Variants in FGF13 observed in about 807,000 individuals in gnomAD.
The protein encoded by FGF13 is fibroblast growth factor homologous factor 2.
A neutral mutation model predicts 19.5 loss-of-function variants in FGF13; 2 were observed. That is an observed-to-expected ratio of 0.10 (90% confidence interval 0.04 to 0.32). FGF13 has a LOEUF of 0.32. Among genes scored for constraint, FGF13 ranks in the 10% least tolerant of loss-of-function variants. The pLI is 1.00. For synonymous variants in FGF13, 72 were observed against 76.9 expected (o/e 0.94, Z 0.33); for missense variants, 113 against 192.7 (o/e 0.59, Z 2.45).
intron 1 of FGF13, among the ~76,000 whole-genome samples, chrX:138,997,851 C>T (rs898242697): frequency 1.9e-4 from 18 of 96,738 alleles, no homozygotes; most frequent in Middle Eastern, 5.3e-3. Context: ...AGATATTCCT[C>T]GAGAAGAGCA....
chrX:138,978,773 G>A (rs748220740), intron 1 of FGF13, among the ~76,000 whole-genome samples: 7 of 112,079 alleles, frequency 6.2e-5, no homozygotes, highest in Non-Finnish European at 1.1e-4. Context: ...CTGCTAGCAG[G>A]TGGCAGATCA....
chrX:138,722,121 C>T (rs1465943211), intron 1 of FGF13, among the ~76,000 whole-genome samples: 1 of 111,376 alleles, frequency 9.0e-6, no homozygotes, highest in Non-Finnish European at 1.9e-5. Context: ...TGAGAGTGAA[C>T]GACCAAGAGT....
intron 1 of FGF13, among the ~76,000 whole-genome samples, chrX:139,170,056 G>A (rs977407666): frequency 1.1e-4 from 12 of 111,694 alleles, no homozygotes; most frequent in Admixed American, 1.9e-4. Context: ...TGAACTCCAT[G>A]CAGCTTGGCC....
At chrX:138,705,557 C>T (rs1222865878) in intron 2 of FGF13, among the ~76,000 whole-genome samples, 1 of 112,021 alleles carries the variant, frequency 8.9e-6, no homozygotes, top group Non-Finnish European at 1.9e-5. Flanking sequence ...AAAAACATCA[C>T]CCCAAAATAA....
chrX:138,929,332 A>G (rs1181816959), intron 1 of FGF13, among the ~76,000 whole-genome samples: 2 of 109,692 alleles, frequency 1.8e-5, no homozygotes, highest in Non-Finnish European at 3.8e-5. Flanking sequence ...AAGCAGCAAC[A>G]AAAGTTTATA....
chrX:138,675,416 T>C (rs1201941252), intron 3 of FGF13, among the ~76,000 whole-genome samples: 2 of 112,032 alleles, frequency 1.8e-5, no homozygotes, highest in East Asian at 5.6e-4. Flanking sequence ...ATTTGAAACA[T>C]TCATAATTTT....
At chrX:139,050,627 T>A (rs1412645799) in intron 1 of FGF13, among the ~76,000 whole-genome samples, 5 of 112,280 alleles carry the variant, frequency 4.5e-5, no homozygotes, top group African/African-American at 1.3e-4. Context: ...CCACTTTCTC[T>A]CAAAGGGAGG....
At chrX:138,758,677 C>T (rs1279181999) in intron 3 of FGF13, among the ~76,000 whole-genome samples, 1 of 111,878 alleles carries the variant, frequency 8.9e-6, no homozygotes, top group African/African-American at 3.3e-5. Context: ...TCTGGTCCCC[C>T]AGCTCTTTTT....
At chrX:139,089,384 T>C (rs769474680) in intron 1 of FGF13, among the ~76,000 whole-genome samples, 22 of 112,653 alleles carry the variant, frequency 2.0e-4, no homozygotes, top group Admixed American at 5.6e-4. Context: ...ATTATCCTTA[T>C]GAGATTTTTA....
chrX:139,011,791 C>T (rs1409918893), intron 1 of FGF13, among the ~76,000 whole-genome samples: 1 of 111,641 alleles, frequency 9.0e-6, no homozygotes, highest in Non-Finnish European at 1.9e-5. Context: ...TAAAAAGATG[C>T]TCATTCTCAC....
In FGF13 at chrX:138,632,719, A is replaced by G; in HGVS notation, c.*131T>C. ...AAGAAGGTCTAATGGCAGATAGAATAGTGAACTCTGCCTGTTTGTTTGGTA... is the reference window on the plus strand; with the variant it reads ...AAGAAGGTCTAATGGCAGATAGAATGGTGAACTCTGCCTGTTTGTTTGGTA... On this transcript the variant is annotated 3_prime_UTR_variant, in exon 5 of 5. Coordinates refer to ENST00000315930, the MANE Select transcript of FGF13 (RefSeq NM_004114.5). The G allele has an allele frequency of 1.4e-6, 1 of 690,067 alleles. No homozygotes were observed. 56.9% of individuals were successfully genotyped at this position (690,067 alleles called of 1,213,427 possible).
chrX:138,770,399 AT>A (rs2090536230), intron 3 of FGF13, among the ~76,000 whole-genome samples: 1 of 110,337 alleles, frequency 9.1e-6, no homozygotes, highest in Admixed American at 9.7e-5. Flanking sequence ...ATCTCTGTGA[AT>A]TTGCTGGTGC....
At chrX:139,069,717 G>A (rs184748788) in intron 1 of FGF13, among the ~76,000 whole-genome samples, 4 of 111,742 alleles carry the variant, frequency 3.6e-5, no homozygotes, top group African/African-American at 9.8e-5. Context: ...ATCACGCTAC[G>A]TGACTTCACA....
intron 1 of FGF13, among the ~76,000 whole-genome samples, chrX:139,135,802 A>C (rs778174332): frequency 1.8e-5 from 2 of 111,512 alleles, no homozygotes; most frequent in East Asian, 5.7e-4. Context: ...TTTTACTTCC[A>C]CTTTCATATC....
At chrX:138,980,343 A>C (rs1445469060) in intron 1 of FGF13, among the ~76,000 whole-genome samples, 2 of 111,589 alleles carry the variant, frequency 1.8e-5, no homozygotes, top group African/African-American at 6.5e-5. Flanking sequence ...GGATTCTGCA[A>C]ATCTCCTTGA....
At chrX:139,004,222 T>C (rs1034976703) in intron 1 of FGF13, among the ~76,000 whole-genome samples, 1 of 112,649 alleles carries the variant, frequency 8.9e-6, no homozygotes. Context: ...GCCGGTGGGC[T>C]GGCACTGCTG....
At chrX:138,702,645 T>C (rs1316792713) in intron 3 of FGF13, among the ~76,000 whole-genome samples, 1 of 111,878 alleles carries the variant, frequency 8.9e-6, no homozygotes, top group Non-Finnish European at 1.9e-5. Context: ...TGGATAAATA[T>C]ATGTTCAACT....
chrX:138,687,992 C>G (rs190471330), intron 3 of FGF13, among the ~76,000 whole-genome samples: 1 of 105,964 alleles, frequency 9.4e-6, no homozygotes, highest in Non-Finnish European at 1.9e-5. Flanking sequence ...TGCTCTGTTG[C>G]CCAGACTGGA....
chrX:138,716,300 G>T (rs781005275), upstream of FGF13: 1 of 112,234 alleles, frequency 8.9e-6, no homozygotes, highest in Non-Finnish European at 1.9e-5. Flanking sequence ...GCAGCAGAGA[G>T]AGTATTTACG....
Sources: allele counts gnomAD v4.1 joint callset (sites outside exome capture counted in the v4.1 genomes callset), GRCh38; gene constraint gnomAD v4.1.1; transcripts MANE v1.5; gene names NCBI Gene and HGNC (gene_info 2026-07-23, HGNC 2026-07-21).